ABCA1: variants seen among roughly 807,000 people sequenced by gnomAD.
ABCA1 encodes the protein ATP binding cassette subfamily A member 1, also known as phospholipid-transporting ATPase ABCA1.
A neutral mutation model predicts 262.5 loss-of-function variants in ABCA1; 133 were observed. The observed-to-expected ratio is 0.51, with a 90% CI of 0.44 to 0.59. ABCA1 has a LOEUF of 0.59. Ranked by LOEUF, ABCA1 falls within the 20% of genes least tolerant of loss-of-function variation. ABCA1 has a pLI of 0.00. For missense variants in ABCA1, 2,452 were observed against 2,777.5 expected, an observed-to-expected ratio of 0.88 and a Z score of 2.63; for synonymous variants, 1,022 against 1,043.5, an observed-to-expected ratio of 0.98 and a Z score of 0.40.
chr9:104,881,022 G>A (rs1254020906), intron 5 of ABCA1, among the ~76,000 whole-genome samples: 2 of 152,122 alleles, frequency 1.3e-5, no homozygotes, highest in Non-Finnish European at 2.9e-5. Flanking sequence ...GGTGGAGCAT[G>A]CCTATAGTCC....
chr9:104,912,627 T>C (rs1841567925), intron 1 of ABCA1, among the ~76,000 whole-genome samples: 1 of 152,124 alleles, frequency 6.6e-6, no homozygotes, highest in Non-Finnish European at 1.5e-5. Flanking sequence ...ACGAAGAAAC[T>C]CTAACAAAAT....
At position 104,832,664 on chromosome 9, in the gene ABCA1, A is replaced by G; in HGVS notation, c.1419T>C (p.Asp473=). ...IVAFLAKHPE[D]VQSSNGSVYT... ...ACACAGAACCATTACTGGACTGGAC[A>G]TCCTCTGGGTGCTTGGCCAAAAACG... The change falls in exon 12 of 50, where the codon GAT becomes GAC. Residue 473 remains aspartate, a synonymous_variant. Transcript: ENST00000374736. 6.2e-7 allele frequency: 1 copy of G among 1,614,166 alleles called. No individual in the cohort carries two copies.
intron 4 of ABCA1, among the ~76,000 whole-genome samples, chr9:104,883,852 A>G (rs1346616859): frequency 2.0e-5 from 3 of 152,214 alleles, no homozygotes; most frequent in Admixed American, 6.5e-5. Context: ...GGGGACACTT[A>G]TTATGCCCAT....
At position 104,817,331 on chromosome 9, in the gene ABCA1, C is replaced by T; in HGVS notation, c.3535+1G>A. The stretch of plus-strand genomic sequence containing the variant: ...TGAATAAGAAACCCCAGAGTCCTTA[C>T]CGATGGTCAGCGTGTCACTCTCATG... On this transcript the variant is annotated splice_donor_variant, in intron 24 of 49. Coordinates refer to ENST00000374736, the MANE Select transcript of ABCA1 (RefSeq NM_005502.4). LOFTEE classifies it high-confidence loss of function. This position sits in a 1 kb window ranked among gnomAD's most constrained non-coding sequence, Gnocchi z 4.7. The T allele has an allele frequency of 1.2e-6, 2 of 1,614,134 alleles. No individual in the cohort carries two copies. Among genetic ancestry groups the T allele is most frequent in the Non-Finnish European group, 1.7e-6 (2 of 1,180,014 alleles).
chr9:104,818,969 G>T, intron 22 of ABCA1, 86 bp from the exon 23 acceptor site: 2 of 1,289,100 alleles, frequency 1.6e-6, no homozygotes, highest in Non-Finnish European at 2.2e-6. Context: ...AGAGATATTA[G>T]CAGGGGTAAG....
Position 104,861,787 on chromosome 9 carries a change from T to C in ABCA1, c.435A>G (p.Gln145=), listed in dbSNP as rs1160456163. 6.2e-7 allele frequency: 1 copy of C among 1,613,464 alleles called. No individual in the cohort carries two copies. The highest frequency in any genetic ancestry group is 1.3e-5 in the African/African-American group (1 of 74,792). The stretch of plus-strand genomic sequence containing the variant: ...AGGTTTCATTGTCCACCAGGAAATC[T>C]TGAAGCTTCAAGTCTATTGAGAAAT... ...IKKSSSNLKL[Q]DFLVDNETFS... The change falls in exon 6 of 50, where the codon CAA becomes CAG. Residue 145 remains glutamine (Q), a synonymous_variant. Coordinates refer to ENST00000374736, the MANE Select transcript of ABCA1 (RefSeq NM_005502.4).
intron 1 of ABCA1, among the ~76,000 whole-genome samples, chr9:104,924,073 A>G (rs10991415): frequency 0.14 from 21,028 of 152,084 alleles, 1,507 homozygotes; most frequent in Middle Eastern, 0.24. Flanking sequence ...CACGTGAAAA[A>G]CATTTCAAAC....
At chr9:104,831,969 A>G (rs969778733) in intron 12 of ABCA1, 142 bp from the exon 13 acceptor site, 5 of 832,046 alleles carry the variant, frequency 6.0e-6, no homozygotes, top group Admixed American at 4.0e-5. Context: ...TAGTTTTCCA[A>G]CCTTCAACCA....
intron 1 of ABCA1, among the ~76,000 whole-genome samples, chr9:104,909,754 A>C (rs913125149): frequency 5.3e-5 from 8 of 152,008 alleles, no homozygotes; most frequent in Non-Finnish European, 1.2e-4. Context: ...TGCCCTTTTG[A>C]ACTTGACATG....
Position 104,862,646 on chromosome 9 carries a change from G to GGCAGCGCCGGGCAGGGCCGGGCAGC in ABCA1, c.422-847_422-846insGCTGCCCGGCCCTGCCCGGCGCTGC, listed in dbSNP as rs1418865028. On this transcript the variant is annotated intron_variant, in intron 5 of 49. Coordinates refer to ENST00000374736, the MANE Select transcript of ABCA1 (RefSeq NM_005502.4). ...AAATGCAGACTGCCGGGCCGGGCCG[G>GGCAGCGCCGGGCAGGGCCGGGCAGC]GCCGGGCCGGGCCGGGCCGGGCCGG... 6.9e-4 allele frequency among the ~76,000 whole-genome samples: 2 copies of GGCAGCGCCGGGCAGGGCCGGGCAGC among 2,902 alleles called. 1 individual carries two copies. The highest frequency in any genetic ancestry group is 1.4e-3 in the Non-Finnish European group (2 of 1,466). 1.9% of individuals were successfully genotyped at this position (2,902 alleles called of 152,430 possible).
intron 3 of ABCA1, among the ~76,000 whole-genome samples, chr9:104,886,879 T>C (rs1017553793): frequency 2.2e-4 from 34 of 152,238 alleles, no homozygotes; most frequent in African/African-American, 8.2e-4. Context: ...CAGTCCTTTG[T>C]TCCTAGGGAC....
At position 104,791,197 on chromosome 9, in the gene ABCA1, A is replaced by T. The variant is rs4149331; in HGVS notation, c.5821-169T>A. ...ATTTAAATATGTATTTCATAATGGG[A>T]CCATTTTAAGTGTGGCTGTATTTAT... On this transcript the variant is annotated intron_variant, in intron 43 of 49. Coordinates refer to ENST00000374736, the MANE Select transcript of ABCA1 (RefSeq NM_005502.4). Among the ~76,000 whole-genome samples, 36,610 of 152,066 alleles carry T rather than the reference A, an allele frequency of 0.24. 6,583 individuals carry two copies. Among genetic ancestry groups the T allele is most frequent in the African/African-American group, 0.5 (20,711 of 41,438 alleles).
In ABCA1 at chr9:104,801,992, ACTC is replaced by A. The variant is rs925029616; in HGVS notation, c.4698+59_4698+61del. The stretch of plus-strand genomic sequence containing the variant: ...AGGTGATCCGTTTAACCTGCCAACT[ACTC>A]CTATATCCCAGCAGCTACATGCCCA... On this transcript the variant is annotated intron_variant, in intron 34 of 49. Coordinates refer to ENST00000374736, the MANE Select transcript of ABCA1 (RefSeq NM_005502.4). The A allele has an allele frequency of 5.5e-6, 8 of 1,457,378 alleles. No individual in the cohort carries two copies. In the African/African-American group the frequency reaches 7.0e-5, roughly 13 times the overall value. 90.3% of individuals were successfully genotyped at this position (1,457,378 alleles called of 1,614,324 possible). A position where few individuals can be genotyped will look rare whatever the true frequency, so the allele number is the denominator to read the frequency against.
chr9:104,846,758 C>T (rs933225381), intron 7 of ABCA1, among the ~76,000 whole-genome samples: 1 of 152,226 alleles, frequency 6.6e-6, no homozygotes, highest in Non-Finnish European at 1.5e-5. Flanking sequence ...AGGACTCCCA[C>T]ATTCACAGTC....
At chr9:104,888,491 C>T (rs1839415656) in intron 3 of ABCA1, among the ~76,000 whole-genome samples, 1 of 152,304 alleles carries the variant, frequency 6.6e-6, no homozygotes, top group South Asian at 2.1e-4. Flanking sequence ...ACTTAAATCA[C>T]TTGTCCAAGG....
At chr9:104,872,685 G>C (rs1305638520) in intron 5 of ABCA1, among the ~76,000 whole-genome samples, 1 of 152,154 alleles carries the variant, frequency 6.6e-6, no homozygotes, top group Non-Finnish European at 1.5e-5. Context: ...ATTGCCTTTT[G>C]GTGCCTCAAT....
Position 104,810,902 on chromosome 9 carries a change from A to T in ABCA1, c.4073T>A (p.Val1358Asp). The change falls in exon 29 of 50, where the codon GTC becomes GAC. Residue 1358 changes from valine to aspartate, a missense_variant. Transcript: ENST00000374736. Reference protein sequence around the residue: ...FAQIVLPAVFVCIALVFSLIV... With the variant: ...FAQIVLPAVFDCIALVFSLIV... ...CAGGCTGAACACAAGGGCAATGCAGACAAACACAGCTGGCAAGACAATCTT... is the reference window on the plus strand; with the variant it reads ...CAGGCTGAACACAAGGGCAATGCAGTCAAACACAGCTGGCAAGACAATCTT... 6.2e-7 allele frequency: 1 copy of T among 1,614,236 alleles called. No individual in the cohort carries two copies. Among genetic ancestry groups the T allele is most frequent in the Non-Finnish European group, 8.5e-7 (1 of 1,180,044 alleles).
rs550047931 is a variant in ABCA1 at position 104,900,900 on chromosome 9, C to T, written c.66+2714G>A. On this transcript the variant is annotated intron_variant, in intron 2 of 49. Transcript: ENST00000374736. ...GAGTTAAGGAAAACAGGTTAGCAGG[C>T]AGTGGTATAACAACTTAAGCCCCTT... Among the ~76,000 whole-genome samples the T allele has an allele frequency of 8.5e-4, 130 of 152,336 alleles. 2 individuals are homozygous for T. Among genetic ancestry groups the T allele is most frequent in the Admixed American group, 5.2e-4 (8 of 15,306 alleles).
intron 2 of ABCA1, among the ~76,000 whole-genome samples, chr9:104,900,649 G>C (rs529707316): frequency 2.6e-5 from 4 of 152,170 alleles, no homozygotes; most frequent in Middle Eastern, 6.8e-3. Context: ...AGAGAGCAAA[G>C]CAAAAAAGGG....
Sources: allele counts gnomAD v4.1 joint callset (sites outside exome capture counted in the v4.1 genomes callset), GRCh38; gene constraint gnomAD v4.1.1; non-coding constraint Gnocchi (gnomAD v3.1); transcripts MANE v1.5; gene names NCBI Gene and HGNC (gene_info 2026-07-23, HGNC 2026-07-21).